The following FSTL4 variants were observed in gnomAD, a reference collection of about 807,000 sequenced individuals.
FSTL4 encodes the protein follistatin like 4.
In FSTL4, 28 loss-of-function variants were observed where a neutral mutation model predicts 78.2. The observed-to-expected ratio is 0.36, with a 90% CI of 0.27 to 0.49. The LOEUF is 0.49. FSTL4 is among the 20% of genes least tolerant of loss of function. The probability of loss-of-function intolerance (pLI) is 0.98; values close to 1 mark genes in which losing one functional copy is unlikely to be tolerated. For missense variants in FSTL4, 922 were observed against 1,084.9 expected (o/e 0.85, Z 2.11); for synonymous variants, 422 against 440.5 (o/e 0.96, Z 0.53).
At chr5:133,217,912 T>A (rs765833595) in intron 12 of FSTL4, among the ~76,000 whole-genome samples, 2 of 152,180 alleles carry the variant, frequency 1.3e-5, no homozygotes, top group Non-Finnish European at 2.9e-5. Flanking sequence ...GATCTCTATA[T>A]GCTAGGGTGT....
At chr5:133,577,889 ACT>A (rs952223187) in intron 2 of FSTL4, among the ~76,000 whole-genome samples, 1 of 152,120 alleles carries the variant, frequency 6.6e-6, no homozygotes, top group African/African-American at 2.4e-5. Flanking sequence ...ATAGCGTAAG[ACT>A]CTGTCTCAAA....
the FSTL4 span, among the ~76,000 whole-genome samples, chr5:133,734,224 T>C: frequency 6.6e-6 from 1 of 152,156 alleles, no homozygotes; most frequent in Non-Finnish European, 1.5e-5. Flanking sequence ...AAATGTAACA[T>C]AGAGACTTTT....
At chr5:133,634,147 ACTCC>A in the FSTL4 span, among the ~76,000 whole-genome samples, 1 of 151,708 alleles carries the variant, frequency 6.6e-6, no homozygotes, top group African/African-American at 2.4e-5. Context: ...TCAAAACCAA[ACTCC>A]CTATTTGGCC....
chr5:133,268,231 C>T (rs1752687946), intron 6 of FSTL4, among the ~76,000 whole-genome samples: 1 of 152,110 alleles, frequency 6.6e-6, no homozygotes, highest in South Asian at 2.1e-4. Context: ...GGCTAGATTC[C>T]CCTTCCTGGG....
At chr5:133,708,493 C>G in the FSTL4 span, among the ~76,000 whole-genome samples, 1 of 152,152 alleles carries the variant, frequency 6.6e-6, no homozygotes, top group Non-Finnish European at 1.5e-5. Context: ...GAGTCATGAA[C>G]CAGAGCCACT....
intron 3 of FSTL4, among the ~76,000 whole-genome samples, chr5:133,528,803 G>A (rs985234605): frequency 6.6e-6 from 1 of 152,212 alleles, no homozygotes. Context: ...GCATGGCAGG[G>A]ATACCACCTC....
the FSTL4 span, among the ~76,000 whole-genome samples, chr5:133,711,467 G>C: frequency 6.6e-6 from 1 of 152,190 alleles, no homozygotes; most frequent in Non-Finnish European, 1.5e-5. Flanking sequence ...AGGGTGTGAG[G>C]GGCCCCACCA....
the FSTL4 span, among the ~76,000 whole-genome samples, chr5:133,706,542 A>G: frequency 6.6e-6 from 1 of 152,254 alleles, no homozygotes; most frequent in African/African-American, 2.4e-5. Flanking sequence ...GAAGGCTTTC[A>G]GTCATCATGG....
intron 6 of FSTL4, among the ~76,000 whole-genome samples, chr5:133,251,309 A>C (rs1752228831): frequency 6.6e-6 from 1 of 152,142 alleles, no homozygotes; most frequent in Middle Eastern, 3.2e-3. Flanking sequence ...TCCTTTCCTC[A>C]TCAGATGACC....
chr5:133,714,615 C>G, the FSTL4 span, among the ~76,000 whole-genome samples: 1 of 152,172 alleles, frequency 6.6e-6, no homozygotes, highest in Non-Finnish European at 1.5e-5. Context: ...AAACTTCTGC[C>G]AAGCTGTGAT....
chr5:133,841,912 G>A, the FSTL4 span, among the ~76,000 whole-genome samples: 15 of 152,364 alleles, frequency 9.8e-5, no homozygotes, highest in African/African-American at 3.6e-4. Flanking sequence ...GGGCTGCCAA[G>A]CAGCACCACG....
the FSTL4 span, among the ~76,000 whole-genome samples, chr5:133,816,739 A>G: frequency 1.6e-4 from 24 of 152,228 alleles, no homozygotes; most frequent in African/African-American, 5.5e-4. Flanking sequence ...TAATTAGGTG[A>G]AATGAATAAG....
At chr5:133,424,904 G>C (rs1756778386) in intron 3 of FSTL4, among the ~76,000 whole-genome samples, 1 of 152,224 alleles carries the variant, frequency 6.6e-6, no homozygotes, top group Non-Finnish European at 1.5e-5. Flanking sequence ...CTGGTGCACA[G>C]TGGGTGCAGA....
At chr5:133,522,203 T>C (rs184191393) in intron 3 of FSTL4, among the ~76,000 whole-genome samples, 1 of 152,126 alleles carries the variant, frequency 6.6e-6, no homozygotes, top group African/African-American at 2.4e-5. Context: ...CCACCGATAG[T>C]GCAATTCCCT....
At chr5:133,474,872 T>C (rs776644101) in intron 3 of FSTL4, among the ~76,000 whole-genome samples, 1 of 152,242 alleles carries the variant, frequency 6.6e-6, no homozygotes, top group African/African-American at 2.4e-5. Context: ...TTTTAATTGA[T>C]GGCACCCACT....
chr5:133,709,914 A>T, the FSTL4 span, among the ~76,000 whole-genome samples: 1 of 152,230 alleles, frequency 6.6e-6, no homozygotes, highest in African/African-American at 2.4e-5. Context: ...GCAGAAGCCC[A>T]ATATGCTCTC....
chr5:133,636,421 T>C, the FSTL4 span, among the ~76,000 whole-genome samples: 1 of 130,942 alleles, frequency 7.6e-6, no homozygotes, highest in African/African-American at 2.9e-5. Context: ...GTCTTTTACA[T>C]GTCTAAACCC....
At chr5:133,215,418 C>G (rs148257601) in intron 13 of FSTL4, among the ~76,000 whole-genome samples, 1 of 152,304 alleles carries the variant, frequency 6.6e-6, no homozygotes, top group East Asian at 1.9e-4. Flanking sequence ...TGACTCCAGA[C>G]CTGTTTATCT....
At chr5:133,800,707 A>G in the FSTL4 span, among the ~76,000 whole-genome samples, 1 of 100,844 alleles carries the variant, frequency 9.9e-6, no homozygotes, top group Non-Finnish European at 2.3e-5. Flanking sequence ...CGGAGCTACA[A>G]ATGCTGCCTG....
Sources: allele counts gnomAD v4.1 joint callset (sites outside exome capture counted in the v4.1 genomes callset), GRCh38; gene constraint gnomAD v4.1.1; transcripts MANE v1.5; gene names NCBI Gene and HGNC (gene_info 2026-07-23, HGNC 2026-07-21).